The following FIZ1 variants were observed in gnomAD, a reference collection of about 807,000 sequenced individuals.
The protein encoded by FIZ1 is FLT3 interacting zinc finger 1, also known as flt3-interacting zinc finger protein 1.
FIZ1 carries 2 observed loss-of-function variants against 5.3 expected under a neutral mutation model. The ratio of observed to expected loss-of-function variants is 0.37; its 90% CI spans 0.15 to 1.18. The LOEUF is 1.18. Ranked by LOEUF, FIZ1 falls within the 50% of genes most tolerant of loss-of-function variation. FIZ1 has a pLI of 0.37. For synonymous variants in FIZ1, 407 were observed against 364.2 expected (o/e 1.12, Z -1.34); for missense variants, 631 against 749.7 (o/e 0.84, Z 1.85).
Position 55,592,251 on chromosome 19 carries a change from T to G in FIZ1, c.*199A>C. On this transcript the variant is annotated 3_prime_UTR_variant, in exon 3 of 3. Coordinates refer to ENST00000221665, the MANE Select transcript of FIZ1 (RefSeq NM_032836.3). This position sits in a 1 kb window ranked among gnomAD's most constrained non-coding sequence, Gnocchi z 6.9. Reference sequence around the variant, plus strand: ...TCCCCTGCCCCAGCTAAGGACCCTGTTTGTTTGTGGTCCCCCAGCTCCGGG... The same window carrying G: ...TCCCCTGCCCCAGCTAAGGACCCTGGTTGTTTGTGGTCCCCCAGCTCCGGG... 2.2e-5 allele frequency: 13 copies of G among 589,140 alleles called. No individual in the cohort carries two copies. The highest frequency in any genetic ancestry group is 3.2e-5 in the Non-Finnish European group (11 of 344,030). 36.5% of individuals were successfully genotyped at this position (589,140 alleles called of 1,614,324 possible). A position where few individuals can be genotyped will look rare whatever the true frequency, so the allele number is the denominator to read the frequency against.
intron 2 of FIZ1, among the ~76,000 whole-genome samples, chr19:55,597,089 T>A (rs949824492): frequency 6.6e-6 from 1 of 152,226 alleles, no homozygotes; most frequent in South Asian, 2.1e-4. Flanking sequence ...AGAAAGTAAG[T>A]TTTCTGAAGG....
rs1271571762 is a variant in FIZ1, at chr19:55,592,994, G to A, written c.947C>T (p.Ala316Val). The A allele has an allele frequency of 2.6e-6, 4 of 1,517,048 alleles. No individual in the cohort carries two copies. Among genetic ancestry groups the A allele is most frequent in the East Asian group, 2.7e-5 (1 of 36,546 alleles). 94.0% of individuals were successfully genotyped at this position (1,517,048 alleles called of 1,614,324 possible). ...GGLLPEGGGE[A>V]PAPAAAAEPS... ...CTCGGCGGCCGCCGCAGGTGCAGGC[G>A]CCTCCCCACCGCCCTCGGGGAGCAG... The change falls in exon 3 of 3, where the codon GCG becomes GTG. Residue 316 changes from alanine (A) to valine (V), a missense_variant. Physicochemically the swap from Ala to Val is moderately conservative, Grantham distance 64 (BLOSUM62 0). Coordinates refer to ENST00000221665, the MANE Select transcript of FIZ1 (RefSeq NM_032836.3). The surrounding 1 kb of genome is among the most constrained non-coding windows in gnomAD (Gnocchi z 6.9).
At chr19:55,595,179 A>C (rs770693775) in intron 2 of FIZ1, among the ~76,000 whole-genome samples, 11 of 152,210 alleles carry the variant, frequency 7.2e-5, no homozygotes, top group Non-Finnish European at 1.3e-4. Flanking sequence ...GTGAGGCTGG[A>C]TGAGAAAGAG....
chr19:55,592,812 G>A lies in FIZ1; in HGVS notation c.1129C>T (p.Arg377Trp). ...YAALAALEEH[R>W]RVSHGEGGGE... is the part of the protein sequence containing the mutation. ...CCGCCCTCACCGTGGCTGACCCGCC[G>A]GTGCTCCTCCAAGGCGGCCAGCGCC... The change falls in exon 3 of 3, where the codon CGG becomes TGG. Residue 377 changes from arginine (R) to tryptophan (W), a missense_variant. Coordinates refer to ENST00000221665, the MANE Select transcript of FIZ1 (RefSeq NM_032836.3). The surrounding 1 kb of genome is among the most constrained non-coding windows in gnomAD (Gnocchi z 6.9). 6.3e-7 allele frequency: 1 copy of A among 1,584,504 alleles called. No homozygotes were observed. The highest frequency in any genetic ancestry group is 8.5e-7 in the Non-Finnish European group (1 of 1,170,504).
rs1451214595 is a variant in FIZ1 at position 55,597,843 on chromosome 19, G to A, written c.23C>T (p.Thr8Ile). The A allele has an allele frequency of 5.6e-6, 9 of 1,601,656 alleles. No homozygotes were observed. The highest frequency in any genetic ancestry group is 7.7e-6 in the Non-Finnish European group (9 of 1,174,224). ...AGCGGCGGGCGGTGCTGGTGCAGGG[G>A]TTGGGGCGGGGACGTCATCCATGGT... MDDVPAP[T>I]PAPAPPAAAA... Residue 8 changes from threonine to isoleucine, a missense_variant, in exon 2 of 3, where the codon ACC (threonine) becomes ATC (isoleucine). Transcript: ENST00000221665.
At chr19:55,594,880 G>C (rs774133239) in intron 2 of FIZ1, among the ~76,000 whole-genome samples, 6 of 152,068 alleles carry the variant, frequency 3.9e-5, no homozygotes, top group African/African-American at 7.2e-5. Flanking sequence ...GGGCAGAGAA[G>C]TGATTTTGAA....
At position 55,591,799 on chromosome 19, in the gene FIZ1, G is replaced by A. The variant is rs992707456; in HGVS notation, c.*651C>T. The A allele has an allele frequency of 2.6e-5, 4 of 152,708 alleles. No homozygotes were observed. The highest frequency in any genetic ancestry group is 4.4e-5 in the Non-Finnish European group (3 of 68,176). 9.5% of individuals were successfully genotyped at this position (152,708 alleles called of 1,614,324 possible). On this transcript the variant is annotated 3_prime_UTR_variant, in exon 3 of 3. Transcript: ENST00000221665. ...CCAGTCTATTCTAGTGTTTGGGGCG[G>A]GGAAGATCGTTAGGGTCGATCCATT...
Position 55,593,167 on chromosome 19 carries a change from G to C in FIZ1, c.774C>G (p.Pro258=). Residue 258 remains proline (P), a synonymous_variant, in exon 3 of 3, where the codon CCC becomes CCG. Coordinates refer to ENST00000221665, the MANE Select transcript of FIZ1 (RefSeq NM_032836.3). This position sits in a 1 kb window ranked among gnomAD's most constrained non-coding sequence, Gnocchi z 6.3. ...LTHDLQGPGA[P]PAQAWAAGPG... ...GCCCCGCGGCCCAGGCCTGCGCTGG[G>C]GGCGCGCCCGGGCCCTGCAGGTCGT... 1 of 1,156,904 alleles carries C rather than the reference G, an allele frequency of 8.6e-7. No homozygotes were observed. Among genetic ancestry groups the C allele is most frequent in the Non-Finnish European group, 1.1e-6 (1 of 935,870 alleles). The allele number at this position is 1,156,904 out of a possible 1,614,324, so 71.7% of individuals were successfully genotyped here.
intron 1 of FIZ1, 123 bp from the exon 2 acceptor site, chr19:55,598,024 G>C: frequency 9.1e-7 from 1 of 1,102,226 alleles, no homozygotes; most frequent in Admixed American, 2.9e-5. Context: ...ACCTCTCTAA[G>C]CCACTCTCAT....
chr19:55,592,771 C>G lies in FIZ1; in HGVS notation c.1170G>C (p.Ala390=). 1.9e-6 allele frequency: 3 copies of G among 1,594,592 alleles called. No individual in the cohort carries two copies. Among genetic ancestry groups the G allele is most frequent in the Non-Finnish European group, 1.7e-6 (2 of 1,172,320 alleles). ...SHGEGGGEEA[A]TAAREREPAS... The stretch of plus-strand genomic sequence containing the variant: ...CCGGTTCCCTTTCCCGGGCGGCGGT[C>G]GCCGCCTCCTCCCCGCCGCCCTCAC... Residue 390 remains alanine (A), a synonymous_variant, in exon 3 of 3, where the codon GCG becomes GCC. Coordinates refer to ENST00000221665, the MANE Select transcript of FIZ1 (RefSeq NM_032836.3). This position sits in a 1 kb window ranked among gnomAD's most constrained non-coding sequence, Gnocchi z 6.9.
intron 1 of FIZ1, chr19:55,598,168 A>G (rs1348401561): frequency 6.7e-6 from 3 of 445,018 alleles, no homozygotes; most frequent in African/African-American, 5.8e-5. Flanking sequence ...CTCTTCGCCA[A>G]TGCGCGGCCA....
In FIZ1 at chr19:55,592,374, G is replaced by GC; in HGVS notation, c.*75dup. On this transcript the variant is annotated 3_prime_UTR_variant, in exon 3 of 3. Transcript: ENST00000221665. This position sits in a 1 kb window ranked among gnomAD's most constrained non-coding sequence, Gnocchi z 6.9. ...TGGATTTGGAGGGCCGGGGCCTCAC[G>GC]CGCAGTCCCGAGGTCCCCTGGTCCA... is the stretch of plus-strand genomic sequence containing the variant. 2.2e-6 allele frequency: 3 copies of GC among 1,362,724 alleles called. No individual in the cohort carries two copies. The highest frequency in any genetic ancestry group is 1.5e-5 in the South Asian group (1 of 67,954). 84.4% of individuals were successfully genotyped at this position (1,362,724 alleles called of 1,614,324 possible). A position where few individuals can be genotyped will look rare whatever the true frequency, so the allele number is the denominator to read the frequency against.
At chr19:55,594,425 C>T (rs1363075288) in intron 2 of FIZ1, among the ~76,000 whole-genome samples, 2 of 136,386 alleles carry the variant, frequency 1.5e-5, no homozygotes, top group African/African-American at 2.8e-5. Flanking sequence ...AGCCCGGGTG[C>T]GGTGGCTCAC....
Position 55,594,676 on chromosome 19 carries a change from G to A in FIZ1, c.295-1030C>T, listed in dbSNP as rs1348505167. ...CGCGCCACTGCACTCCAGTCTGGGC[G>A]ACAGAGCGAGACTCTGTCTCAAAAA... On this transcript the variant is annotated intron_variant, in intron 2 of 2. Transcript: ENST00000221665. Among the ~76,000 whole-genome samples, 6 of 123,532 alleles carry A rather than the reference G, an allele frequency of 4.9e-5. No homozygotes were observed. The South Asian group carries it at 1.4e-3, about 28-fold the overall frequency. 81.0% of individuals were successfully genotyped at this position (123,532 alleles called of 152,430 possible).
At chr19:55,598,794 G>C (rs958194903) in intron 1 of FIZ1, 1 of 152,062 alleles carries the variant, frequency 6.6e-6, no homozygotes, top group African/African-American at 2.4e-5. Flanking sequence ...CCTTCTCTAC[G>C]AAGTCTATTC....
intron 2 of FIZ1, among the ~76,000 whole-genome samples, chr19:55,595,091 GTTGAT>G (rs1222964163): frequency 1.1e-4 from 16 of 152,158 alleles, no homozygotes; most frequent in Non-Finnish European, 1.6e-4. Context: ...ATTTGTCCTT[GTTGAT>G]TTAAGATTTT....
Position 55,593,665 on chromosome 19 carries a change from G to C in FIZ1, c.295-19C>G. On this transcript the variant is annotated intron_variant, in intron 2 of 2. Coordinates refer to ENST00000221665, the MANE Select transcript of FIZ1 (RefSeq NM_032836.3). This position sits in a 1 kb window ranked among gnomAD's most constrained non-coding sequence, Gnocchi z 6.3. ...GGACGACCTAGGGGTGCGGGAGGAA[G>C]GGCACAACGTCAGGGCTGAGAACCT... 6.5e-7 allele frequency: 1 copy of C among 1,548,872 alleles called. No individual in the cohort carries two copies. The highest frequency in any genetic ancestry group is 8.7e-7 in the Non-Finnish European group (1 of 1,145,204).
intron 2 of FIZ1, among the ~76,000 whole-genome samples, chr19:55,597,319 G>A (rs555738352): frequency 1.5e-3 from 231 of 152,336 alleles, no homozygotes; most frequent in African/African-American, 5.2e-3. Context: ...GAGATGGGGC[G>A]GGCAGGAGCC....
intron 1 of FIZ1, chr19:55,598,580 C>G (rs1370057995): frequency 2.6e-5 from 4 of 152,378 alleles, no homozygotes; most frequent in African/African-American, 9.7e-5. Context: ...AAAGACGCAA[C>G]AAGTAAGCTG....
Sources: allele counts gnomAD v4.1 joint callset (sites outside exome capture counted in the v4.1 genomes callset), GRCh38; gene constraint gnomAD v4.1.1; non-coding constraint Gnocchi (gnomAD v3.1); transcripts MANE v1.5; gene names NCBI Gene and HGNC (gene_info 2026-07-23, HGNC 2026-07-21).